The following TMEM178B variants were observed in gnomAD, a reference collection of about 807,000 sequenced individuals.
TMEM178B encodes transmembrane protein 178B.
TMEM178B carries 5 observed loss-of-function variants against 31.0 expected under a neutral mutation model. The observed-to-expected ratio is 0.16, with a 90% CI of 0.08 to 0.34. The LOEUF is 0.34. TMEM178B is among the 10% of genes least tolerant of loss of function. The probability of loss-of-function intolerance (pLI) is 1.00; values close to 1 mark genes in which losing one functional copy is unlikely to be tolerated. For missense variants in TMEM178B, 275 were observed against 400.3 expected, an observed-to-expected ratio of 0.69 and a Z score of 2.67; for synonymous variants, 164 against 164.0, an observed-to-expected ratio of 1.00 and a Z score of 0.00.
chr7:141,294,540 C>T (rs1798598709), intron 2 of TMEM178B, among the ~76,000 whole-genome samples: 1 of 152,196 alleles, frequency 6.6e-6, no homozygotes, highest in Non-Finnish European at 1.5e-5. Context: ...TCAGCCGTTA[C>T]AGCTTTCAAA....
rs531981464 is a variant in TMEM178B at position 141,369,876 on chromosome 7, G to A, written c.497-67732G>A. On this transcript the variant is annotated intron_variant, in intron 2 of 3. Transcript: ENST00000565468. Reference sequence around the variant, plus strand: ...GGGAAATATTCTATTGCTTGAAAAGGCCCATAGAATCAAACAGCTTGGAGA... The same window carrying A: ...GGGAAATATTCTATTGCTTGAAAAGACCCATAGAATCAAACAGCTTGGAGA... Among the ~76,000 whole-genome samples, 4 of 152,288 alleles carry A rather than the reference G, an allele frequency of 2.6e-5. No homozygotes were observed. The East Asian group carries it at 7.7e-4, about 29-fold the overall frequency.
intron 2 of TMEM178B, among the ~76,000 whole-genome samples, chr7:141,420,493 T>C (rs1801183527): frequency 6.6e-6 from 1 of 152,080 alleles, no homozygotes; most frequent in Non-Finnish European, 1.5e-5. Flanking sequence ...AACCATCTGC[T>C]AAAAAAAGCC....
At chr7:141,335,506 G>C (rs1799369129) in intron 2 of TMEM178B, among the ~76,000 whole-genome samples, 1 of 152,098 alleles carries the variant, frequency 6.6e-6, no homozygotes, top group Non-Finnish European at 1.5e-5. Flanking sequence ...AATTGGACAG[G>C]CACCCTGTGC....
intron 1 of TMEM178B, among the ~76,000 whole-genome samples, chr7:141,141,954 G>T (rs928848086): frequency 6.6e-6 from 1 of 152,154 alleles, no homozygotes; most frequent in Non-Finnish European, 1.5e-5. Context: ...TTTAGATTCA[G>T]GGGGTACATG....
At chr7:141,161,629 C>T (rs1439388955) in intron 1 of TMEM178B, among the ~76,000 whole-genome samples, 1 of 152,094 alleles carries the variant, frequency 6.6e-6, no homozygotes, top group Non-Finnish European at 1.5e-5. Flanking sequence ...GATCCAGAGG[C>T]TCTTCCAGGG....
chr7:141,219,479 A>G (rs758956), intron 2 of TMEM178B, among the ~76,000 whole-genome samples: 114,736 of 151,986 alleles, frequency 0.75, 43,851 homozygotes, highest in Middle Eastern at 0.86. Context: ...TGGGATCCAC[A>G]GGGGTCATCA....
At chr7:141,119,969 A>C (rs1414058439) in intron 1 of TMEM178B, among the ~76,000 whole-genome samples, 1 of 152,202 alleles carries the variant, frequency 6.6e-6, no homozygotes, top group East Asian at 1.9e-4. Flanking sequence ...CTGTAATGAG[A>C]AAGTGGCCAG....
At chr7:141,263,333 T>C (rs556046154) in intron 2 of TMEM178B, among the ~76,000 whole-genome samples, 10 of 152,284 alleles carry the variant, frequency 6.6e-5, no homozygotes, top group Non-Finnish European at 1.5e-4. Flanking sequence ...ATAGTGGCGA[T>C]AACATTTTCC....
chr7:141,382,956 C>A (rs917088779), intron 2 of TMEM178B, among the ~76,000 whole-genome samples: 4 of 152,140 alleles, frequency 2.6e-5, no homozygotes, highest in African/African-American at 9.7e-5. Flanking sequence ...ATATCTTTAT[C>A]ATCACTGCCC....
intron 1 of TMEM178B, among the ~76,000 whole-genome samples, chr7:141,138,656 A>G (rs1442235006): frequency 6.6e-6 from 1 of 152,042 alleles, no homozygotes; most frequent in Non-Finnish European, 1.5e-5. Flanking sequence ...AAATTCAGTC[A>G]AGCTGTTAAA....
chr7:141,359,883 G>A (rs893175739), intron 2 of TMEM178B, among the ~76,000 whole-genome samples: 3 of 152,202 alleles, frequency 2.0e-5, no homozygotes, highest in African/African-American at 7.2e-5. Flanking sequence ...AAAGGCGAAA[G>A]GCACAAGGCA....
At chr7:141,152,389 G>A (rs1255648091) in intron 1 of TMEM178B, among the ~76,000 whole-genome samples, 3 of 152,186 alleles carry the variant, frequency 2.0e-5, no homozygotes. Flanking sequence ...TGTCATGCTG[G>A]TGTGGCTTCC....
chr7:141,209,203 C>CT (rs1324166820), intron 1 of TMEM178B, among the ~76,000 whole-genome samples: 2 of 152,212 alleles, frequency 1.3e-5, no homozygotes, highest in Non-Finnish European at 2.9e-5. Context: ...TTCCTTTCCT[C>CT]TTTCTTTGAT....
chr7:141,082,621 C>T (rs922297638), intron 1 of TMEM178B, among the ~76,000 whole-genome samples: 1 of 152,232 alleles, frequency 6.6e-6, no homozygotes, highest in African/African-American at 2.4e-5. Flanking sequence ...AGAAGAAAAC[C>T]TGTGACTTAC....
Position 141,344,578 on chromosome 7 carries a change from T to TCCTCCCTTCCTTCCTC in TMEM178B, c.497-93027_497-93026insCCCTTCCTTCCTCCCT, listed in dbSNP as rs768031258. ...CTCCCTCCATTCCTCCCTCCTCCCT[T>TCCTCCCTTCCTTCCTC]CCTTCCTTCCTTCCTTCCTTCCTTC... On this transcript the variant is annotated intron_variant, in intron 2 of 3. Coordinates refer to ENST00000565468, the MANE Select transcript of TMEM178B (RefSeq NM_001195278.2). The surrounding 1 kb of genome is among the most constrained non-coding windows in gnomAD (Gnocchi z 4.1). 5.4e-5 allele frequency among the ~76,000 whole-genome samples: 1 copy of TCCTCCCTTCCTTCCTC among 18,610 alleles called. No individual in the cohort carries two copies. Among genetic ancestry groups the TCCTCCCTTCCTTCCTC allele is most frequent in the Non-Finnish European group, 1.2e-4 (1 of 8,624 alleles). 12.2% of individuals were successfully genotyped at this position (18,610 alleles called of 152,430 possible). A position where few individuals can be genotyped will look rare whatever the true frequency, so the allele number is the denominator to read the frequency against.
chr7:141,155,209 A>C (rs376078126), intron 1 of TMEM178B, among the ~76,000 whole-genome samples: 33 of 152,342 alleles, frequency 2.2e-4, no homozygotes, highest in African/African-American at 7.5e-4. Context: ...TTTAGGCAGA[A>C]GATTTAGACA....
intron 2 of TMEM178B, among the ~76,000 whole-genome samples, chr7:141,380,520 G>A (rs148341674): frequency 6.6e-6 from 1 of 152,256 alleles, no homozygotes; most frequent in East Asian, 1.9e-4. Context: ...TGCTCAAGTA[G>A]AATATGTTGT....
chr7:141,276,961 C>T (rs996638425), intron 2 of TMEM178B, among the ~76,000 whole-genome samples: 5 of 152,070 alleles, frequency 3.3e-5, no homozygotes, highest in Non-Finnish European at 2.9e-5. Flanking sequence ...AAATGCTATA[C>T]CTGTATAGGG....
chr7:141,458,726 A>G (rs1344943201), intron 3 of TMEM178B, among the ~76,000 whole-genome samples: 1 of 152,158 alleles, frequency 6.6e-6, no homozygotes, highest in African/African-American at 2.4e-5. Flanking sequence ...CTTCACATTC[A>G]TTATTATGGC....
Sources: gnomAD v4.1 joint callset for allele counts (sites outside exome capture counted in the v4.1 genomes callset) on GRCh38, gnomAD v4.1.1 for gene constraint, Gnocchi (gnomAD v3.1) non-coding constraint, MANE v1.5 for transcripts, NCBI Gene and HGNC (gene_info 2026-07-23, HGNC 2026-07-21) for gene names.